Variants in CSMD1 observed in about 807,000 individuals in gnomAD.
The protein encoded by CSMD1 is CUB and sushi domain-containing protein 1.
A neutral mutation model predicts 417.5 loss-of-function variants in CSMD1; 213 were observed. The observed-to-expected ratio is 0.51, with a 90% CI of 0.46 to 0.57. CSMD1 has a LOEUF of 0.57. Ranked by LOEUF, CSMD1 falls within the 20% of genes least tolerant of loss-of-function variation. The pLI is 0.00. For missense variants in CSMD1, 6,923 were observed against 4,529.7 expected (o/e 1.53, Z -15.17); for synonymous variants, 2,862 against 1,736.8 (o/e 1.65, Z -16.11).
intron 49 of CSMD1, among the ~76,000 whole-genome samples, chr8:3,056,196 A>G (rs762121189): frequency 1.3e-5 from 2 of 152,232 alleles, no homozygotes; most frequent in Non-Finnish European, 2.9e-5. Flanking sequence ...CTTCACTTAC[A>G]TATCTCATGA....
chr8:3,150,022 C>A, intron 40 of CSMD1, among the ~76,000 whole-genome samples: 1 of 152,178 alleles, frequency 6.6e-6, no homozygotes, highest in East Asian at 1.9e-4. Context: ...AAGATTAGTT[C>A]AATAAGTTCA....
Position 4,264,233 on chromosome 8 carries a change from T to C in CSMD1, c.415+155720A>G, listed in dbSNP as rs78007701. On this transcript the variant is annotated intron_variant, in intron 3 of 69. Transcript: ENST00000635120. ...ACTACAATTAATTATTAGAATTTCCTCGTCTTAGGAATAATTTTAAGAATA... is the reference window on the plus strand; with the variant it reads ...ACTACAATTAATTATTAGAATTTCCCCGTCTTAGGAATAATTTTAAGAATA... 8.6e-3 allele frequency among the ~76,000 whole-genome samples: 1,306 copies of C among 152,308 alleles called. 22 individuals are homozygous for C. Among genetic ancestry groups the C allele is most frequent in the African/African-American group, 0.03 (1,251 of 41,572 alleles).
At chr8:4,843,001 A>T (rs1436934596) in intron 1 of CSMD1, among the ~76,000 whole-genome samples, 1 of 152,180 alleles carries the variant, frequency 6.6e-6, no homozygotes, top group Non-Finnish European at 1.5e-5. Flanking sequence ...TAGTCATCTA[A>T]CATGCTACTC....
At chr8:3,021,184 C>T (rs1423155398) in intron 51 of CSMD1, among the ~76,000 whole-genome samples, 1 of 152,184 alleles carries the variant, frequency 6.6e-6, no homozygotes, top group Non-Finnish European at 1.5e-5. Context: ...ATGGCTGTTT[C>T]TATTGTTGAA....
chr8:4,834,717 G>A (rs1800356241), intron 1 of CSMD1, among the ~76,000 whole-genome samples: 1 of 151,960 alleles, frequency 6.6e-6, no homozygotes, highest in African/African-American at 2.4e-5. Flanking sequence ...AGCACTTTGG[G>A]AGGCCGAGGC....
At chr8:3,816,868 G>A (rs569323136) in intron 5 of CSMD1, among the ~76,000 whole-genome samples, 1 of 152,092 alleles carries the variant, frequency 6.6e-6, no homozygotes, top group Non-Finnish European at 1.5e-5. Flanking sequence ...TCAGGGGTAA[G>A]GGGGCACTAT....
intron 1 of CSMD1, among the ~76,000 whole-genome samples, chr8:4,944,018 G>A (rs1808204628): frequency 6.6e-6 from 1 of 152,104 alleles, no homozygotes; most frequent in African/African-American, 2.4e-5. Context: ...AAAAGACTTG[G>A]GAATCAAAAT....
At chr8:3,083,297 C>T (rs1585304603) in intron 49 of CSMD1, among the ~76,000 whole-genome samples, 3 of 151,718 alleles carry the variant, frequency 2.0e-5, no homozygotes, top group African/African-American at 2.4e-5. Context: ...ATTAAAATTA[C>T]TAATTAAGAT....
At chr8:3,524,376 C>T (rs1797663270) in intron 10 of CSMD1, among the ~76,000 whole-genome samples, 1 of 147,090 alleles carries the variant, frequency 6.8e-6, no homozygotes, top group Non-Finnish European at 1.5e-5. Flanking sequence ...CAAGTGCACA[C>T]ATGCACATAC....
chr8:4,606,757 G>A (rs1054263945), intron 2 of CSMD1, among the ~76,000 whole-genome samples: 9 of 152,042 alleles, frequency 5.9e-5, no homozygotes, highest in Admixed American at 5.9e-4. Flanking sequence ...TTTTATGAAG[G>A]GATAGTAAAT....
intron 1 of CSMD1, among the ~76,000 whole-genome samples, chr8:4,877,034 G>A (rs79507238): frequency 6.6e-6 from 1 of 151,734 alleles, no homozygotes; most frequent in Non-Finnish European, 1.5e-5. Context: ...AAAATAAAAG[G>A]CATCCTCCTT....
rs536528739 is a variant in CSMD1, at chr8:4,771,603, A to G, written c.86-134045T>C. On this transcript the variant is annotated intron_variant, in intron 1 of 69. Coordinates refer to ENST00000635120, the MANE Select transcript of CSMD1 (RefSeq NM_033225.6). ...TGGGATGTTGAAATATTGAGTAATT[A>G]AATGTTGAAACGTCCGTGAATTCCT... is the stretch of plus-strand genomic sequence containing the variant. 4.6e-5 allele frequency among the ~76,000 whole-genome samples: 7 copies of G among 152,334 alleles called. No individual in the cohort carries two copies. In the East Asian group the frequency reaches 1.3e-3, roughly 29 times the overall value.
intron 5 of CSMD1, among the ~76,000 whole-genome samples, chr8:3,862,482 A>G (rs556805120): frequency 6.6e-6 from 1 of 152,016 alleles, no homozygotes; most frequent in South Asian, 2.1e-4. Flanking sequence ...TTTCGCCAGA[A>G]CTCAAAGTTC....
intron 5 of CSMD1, among the ~76,000 whole-genome samples, chr8:3,914,931 A>G (rs571100111): frequency 6.6e-6 from 1 of 152,178 alleles, no homozygotes; most frequent in Non-Finnish European, 1.5e-5. Flanking sequence ...TGAACTAAAC[A>G]CAACAACAAC....
intron 1 of CSMD1, among the ~76,000 whole-genome samples, chr8:4,744,007 A>G (rs577992161): frequency 3.9e-5 from 6 of 152,224 alleles, no homozygotes; most frequent in Non-Finnish European, 7.3e-5. Flanking sequence ...GTCACGCTCT[A>G]GAGCCTGCAT....
At chr8:3,154,343 A>T (rs949015117) in intron 39 of CSMD1, among the ~76,000 whole-genome samples, 1 of 152,224 alleles carries the variant, frequency 6.6e-6, no homozygotes, top group Non-Finnish European at 1.5e-5. Flanking sequence ...CTGTGTGGTC[A>T]TCAAGTTGCA....
intron 26 of CSMD1, among the ~76,000 whole-genome samples, chr8:3,272,192 T>C (rs1801914658): frequency 6.8e-6 from 1 of 147,096 alleles, no homozygotes; most frequent in Non-Finnish European, 1.5e-5. Flanking sequence ...TAGGGAATGC[T>C]TTCCCCATTG....
At chr8:3,876,855 G>T (rs112262232) in intron 5 of CSMD1, among the ~76,000 whole-genome samples, 2 of 152,220 alleles carry the variant, frequency 1.3e-5, no homozygotes, top group South Asian at 2.1e-4. Flanking sequence ...CAAGTGATTC[G>T]CCCGCCTTGG....
intron 1 of CSMD1, among the ~76,000 whole-genome samples, chr8:4,806,295 C>T (rs777412902): frequency 1.3e-5 from 2 of 152,032 alleles, no homozygotes; most frequent in Non-Finnish European, 2.9e-5. Context: ...CCGCTACACC[C>T]TAGGAAGGTG....
Sources: gnomAD v4.1 joint callset for allele counts (sites outside exome capture counted in the v4.1 genomes callset) on GRCh38, gnomAD v4.1.1 for gene constraint, MANE v1.5 for transcripts, NCBI Gene and HGNC (gene_info 2026-07-23, HGNC 2026-07-21) for gene names.